The following COTL1 variants were observed in gnomAD, a reference collection of about 807,000 sequenced individuals.
COTL1 encodes coactosin-like protein.
In COTL1, 15 loss-of-function variants were observed where a neutral mutation model predicts 16.5. The observed-to-expected ratio is 0.91, with a 90% CI of 0.61 to 1.40. COTL1 has a LOEUF of 1.40. COTL1 is among the 40% of genes most tolerant of loss of function. The pLI, the probability that COTL1 is intolerant of heterozygous loss-of-function variation, is 0.00. For synonymous variants in COTL1, 112 were observed against 85.3 expected (o/e 1.31, Z -1.73); for missense variants, 220 against 201.5 (o/e 1.09, Z -0.56).
intron 2 of COTL1, among the ~76,000 whole-genome samples, chr16:84,610,024 G>C (rs1356331934): frequency 6.6e-6 from 1 of 152,190 alleles, no homozygotes; most frequent in Non-Finnish European, 1.5e-5. Context: ...TGTGGGGGTA[G>C]GAACACAAGA....
At chr16:84,615,276 CA>C (rs1223811624) in intron 2 of COTL1, among the ~76,000 whole-genome samples, 2 of 152,246 alleles carry the variant, frequency 1.3e-5, no homozygotes, top group Admixed American at 1.3e-4. Flanking sequence ...AGCAGGGAAG[CA>C]TTTTTAGCTT....
At chr16:84,601,744 G>A (rs1041235467) in intron 2 of COTL1, among the ~76,000 whole-genome samples, 4 of 152,150 alleles carry the variant, frequency 2.6e-5, no homozygotes, top group Admixed American at 6.5e-5. Context: ...ATAAGCCACC[G>A]CACCCATCCT....
intron 3 of COTL1, chr16:84,576,866 G>A (rs1451667306): frequency 6.6e-6 from 1 of 152,272 alleles, no homozygotes. Flanking sequence ...ACGGTGTGGG[G>A]ACTAGAATCT....
At chr16:84,605,963 G>A (rs1020782934) in intron 2 of COTL1, among the ~76,000 whole-genome samples, 31 of 152,200 alleles carry the variant, frequency 2.0e-4, no homozygotes, top group African/African-American at 6.3e-4. Flanking sequence ...TTGCTCGCAA[G>A]GAAGCTTACC....
intron 3 of COTL1, among the ~76,000 whole-genome samples, chr16:84,583,323 G>C (rs1300369406): frequency 6.6e-6 from 1 of 152,216 alleles, no homozygotes; most frequent in Admixed American, 6.5e-5. Context: ...CAGGCACATA[G>C]TAGGGCCACA....
rs947326161 is a variant in COTL1, at chr16:84,618,041, G to A, written c.-127C>T. ...CTGGCGGCGGTGGCGACGGCTACGC[G>A]GCGCCTGCAAGCTGCGAGCGCGGCG... On this transcript the variant is annotated 5_prime_UTR_variant, in exon 1 of 4. Transcript: ENST00000262428. 1.9e-5 allele frequency: 7 copies of A among 363,892 alleles called. No individual in the cohort carries two copies. The highest frequency in any genetic ancestry group is 8.9e-5 in the African/African-American group (4 of 44,994). The allele number at this position is 363,892 out of a possible 1,614,324, so 22.5% of individuals were successfully genotyped here. A position where few individuals can be genotyped will look rare whatever the true frequency, so the allele number is the denominator to read the frequency against.
At chr16:84,587,816 C>G (rs906249999) in intron 3 of COTL1, among the ~76,000 whole-genome samples, 4 of 151,638 alleles carry the variant, frequency 2.6e-5, no homozygotes, top group Non-Finnish European at 5.9e-5. Flanking sequence ...TTTTTGGAGA[C>G]TCGCTCCAAA....
At chr16:84,585,238 C>G (rs1904690009) in intron 3 of COTL1, among the ~76,000 whole-genome samples, 1 of 151,974 alleles carries the variant, frequency 6.6e-6, no homozygotes, top group South Asian at 2.1e-4. Flanking sequence ...CCTGTAATCC[C>G]CAGCTTCTCG....
At chr16:84,593,386 G>T (rs565303023) in intron 2 of COTL1, among the ~76,000 whole-genome samples, 1 of 152,216 alleles carries the variant, frequency 6.6e-6, no homozygotes, top group Non-Finnish European at 1.5e-5. Flanking sequence ...AGGGGTGAGG[G>T]CCCCACCTCC....
chr16:84,614,585 G>C (rs1242850000), intron 2 of COTL1, among the ~76,000 whole-genome samples: 3 of 152,096 alleles, frequency 2.0e-5, no homozygotes, highest in African/African-American at 7.2e-5. Context: ...GAGTGGGGAG[G>C]GTTGGGAGAA....
chr16:84,598,825 G>A (rs13330549), intron 2 of COTL1, among the ~76,000 whole-genome samples: 1 of 136,068 alleles, frequency 7.3e-6, no homozygotes, highest in Admixed American at 7.1e-5. Flanking sequence ...CGGCAGGGGT[G>A]GGGGGGAGCA....
intron 2 of COTL1, among the ~76,000 whole-genome samples, chr16:84,610,438 A>G (rs191044857): frequency 6.6e-6 from 1 of 152,340 alleles, no homozygotes; most frequent in Non-Finnish European, 1.5e-5. Flanking sequence ...TACTCTCTAT[A>G]AATGGTAGAC....
Position 84,617,987 on chromosome 16 carries a change from G to C in COTL1, c.-73C>G. The C allele has an allele frequency of 1.7e-6, 2 of 1,147,754 alleles. No individual in the cohort carries two copies. The highest frequency in any genetic ancestry group is 1.7e-5 in the African/African-American group (1 of 60,560). 71.1% of individuals were successfully genotyped at this position (1,147,754 alleles called of 1,614,324 possible). ...CCTGGCCGGCGGCGGGGATGGGAGC[G>C]CGGCGGGTACGCGCCGAGGGCGCAC... On this transcript the variant is annotated 5_prime_UTR_variant, in exon 1 of 4. Transcript: ENST00000262428.
At chr16:84,600,022 A>G (rs1301070244) in intron 2 of COTL1, among the ~76,000 whole-genome samples, 1 of 152,066 alleles carries the variant, frequency 6.6e-6, no homozygotes, top group Non-Finnish European at 1.5e-5. Flanking sequence ...CGTCTGTAAG[A>G]GGGAGGGGGC....
chr16:84,611,377 T>G (rs1432688105), intron 2 of COTL1, among the ~76,000 whole-genome samples: 1 of 152,238 alleles, frequency 6.6e-6, no homozygotes, highest in African/African-American at 2.4e-5. Flanking sequence ...TAAACTGGTA[T>G]TGCAGAAGAA....
intron 2 of COTL1, among the ~76,000 whole-genome samples, chr16:84,610,523 A>C (rs1905298829): frequency 6.6e-6 from 1 of 152,168 alleles, no homozygotes; most frequent in African/African-American, 2.4e-5. Context: ...ACTCTTTACC[A>C]ACAACTCTGT....
chr16:84,590,335 T>C lies in COTL1; in HGVS notation c.161-73A>G, dbSNP rs1683643974. On this transcript the variant is annotated intron_variant, in intron 2 of 3. Coordinates refer to ENST00000262428, the MANE Select transcript of COTL1 (RefSeq NM_021149.5). The surrounding 1 kb of genome is among the most constrained non-coding windows in gnomAD (Gnocchi z 5.5). The stretch of plus-strand genomic sequence containing the variant: ...CCATGTCATGTCCCTGGGGAGAGGC[T>C]GTGAGCCACGAGTGCGCCTGGAGCA... 1.3e-6 allele frequency: 2 copies of C among 1,557,384 alleles called. No homozygotes were observed. The highest frequency in any genetic ancestry group is 1.7e-6 in the Non-Finnish European group (2 of 1,144,306).
chr16:84,592,777 G>A (rs1322090872), intron 2 of COTL1, among the ~76,000 whole-genome samples: 1 of 152,090 alleles, frequency 6.6e-6, no homozygotes, highest in East Asian at 1.9e-4. Context: ...AAAACCGGAG[G>A]GGGTAACCAG....
At chr16:84,573,297 C>A (rs565116808) in intron 3 of COTL1, among the ~76,000 whole-genome samples, 1 of 152,234 alleles carries the variant, frequency 6.6e-6, no homozygotes, top group Non-Finnish European at 1.5e-5. Context: ...CTTTCAGGCG[C>A]TCAGTGGCCA....
Sources: gnomAD v4.1 joint callset for allele counts (sites outside exome capture counted in the v4.1 genomes callset) on GRCh38, gnomAD v4.1.1 for gene constraint, Gnocchi (gnomAD v3.1) non-coding constraint, MANE v1.5 for transcripts, NCBI Gene and HGNC (gene_info 2026-07-23, HGNC 2026-07-21) for gene names.